The following PFKP variants were observed in gnomAD, a reference collection of about 807,000 sequenced individuals.
The protein encoded by PFKP is ATP-dependent 6-phosphofructokinase, platelet type.
Under a neutral mutation model 94.3 loss-of-function variants are expected in PFKP, and 101 were observed. The ratio of observed to expected loss-of-function variants is 1.07; its 90% CI spans 0.91 to 1.26. The LOEUF (loss-of-function observed/expected upper bound fraction) is 1.26. PFKP is among the 50% of genes most tolerant of loss of function. The pLI, the probability that PFKP is intolerant of heterozygous loss-of-function variation, is 0.00. For missense variants in PFKP, 1,145 were observed against 1,103.3 expected (o/e 1.04, Z -0.53); for synonymous variants, 573 against 432.6 (o/e 1.32, Z -4.03).
Position 3,136,441 on chromosome 10 carries a change from C to A in PFKP, c.2226-9C>A, listed in dbSNP as rs761932616. On this transcript the variant is annotated splice_polypyrimidine_tract_variant and intron_variant, in intron 21 of 21. Coordinates refer to ENST00000381125, the MANE Select transcript of PFKP (RefSeq NM_002627.5). Reference sequence around the variant, plus strand: ...CAGGCCTCACTGCTGTCTCCTCTTACCTCCACAGGCACAGGATTCCCAAAG... The same window carrying A: ...CAGGCCTCACTGCTGTCTCCTCTTAACTCCACAGGCACAGGATTCCCAAAG... 4 of 1,613,320 alleles carry A rather than the reference C, an allele frequency of 2.5e-6. No individual in the cohort carries two copies. Among genetic ancestry groups the A allele is most frequent in the Middle Eastern group, 1.7e-4 (1 of 6,042 alleles).
At chr10:3,135,411 TCA>T (rs34822234) in intron 20 of PFKP, among the ~76,000 whole-genome samples, 63,298 of 152,020 alleles carry the variant, frequency 0.42, 13,270 homozygotes, top group African/African-American at 0.45. Flanking sequence ...TTTTTGCCTC[TCA>T]GTGTGTGTAT....
chr10:3,108,059 G>GA, intron 8 of PFKP: 1 of 1,244,350 alleles, frequency 8.0e-7, no homozygotes, highest in Non-Finnish European at 1.1e-6. Flanking sequence ...GGACACCTGG[G>GA]AAAGACATCT....
chr10:3,089,815 C>T (rs1588431748), intron 2 of PFKP, among the ~76,000 whole-genome samples: 1 of 151,310 alleles, frequency 6.6e-6, no homozygotes, highest in Non-Finnish European at 1.5e-5. Flanking sequence ...GGATTTTATT[C>T]CTTCTATCTC....
chr10:3,125,232 C>G (rs1402334963), intron 16 of PFKP: 1 of 1,328,962 alleles, frequency 7.5e-7, no homozygotes, highest in Admixed American at 2.3e-5. Context: ...CGACACTGGC[C>G]TGAATGCTGT....
chr10:3,134,455 T>A, intron 19 of PFKP, 28 bp from the exon 20 acceptor site: 1 of 1,241,734 alleles, frequency 8.1e-7, no homozygotes, highest in Non-Finnish European at 1.2e-6. Context: ...GTATAACTGG[T>A]ATTTCATATA....
intron 4 of PFKP, among the ~76,000 whole-genome samples, chr10:3,102,487 C>T (rs1358981363): frequency 2.6e-5 from 4 of 151,974 alleles, no homozygotes; most frequent in Non-Finnish European, 4.4e-5. Context: ...GATCTCGGCT[C>T]ACTGCAACAT....
Position 3,124,291 on chromosome 10 carries a change from C to A in PFKP, c.1683+4247C>A, listed in dbSNP as rs1043603744. Among the ~76,000 whole-genome samples, 3 of 152,224 alleles carry A rather than the reference C, an allele frequency of 2.0e-5. No homozygotes were observed. In the South Asian group the frequency reaches 6.2e-4, roughly 31 times the overall value. On this transcript the variant is annotated intron_variant, in intron 16 of 21. Coordinates refer to ENST00000381125, the MANE Select transcript of PFKP (RefSeq NM_002627.5). ...TTTGCCACCACGTGGATGTCAAAAA[C>A]ACCTTGCTGTGTGGGGCCACTTGGA...
At chr10:3,106,054 C>T (rs1231515940) in intron 7 of PFKP, among the ~76,000 whole-genome samples, 3 of 152,212 alleles carry the variant, frequency 2.0e-5, no homozygotes, top group Non-Finnish European at 4.4e-5. Context: ...GCCCTGTGTC[C>T]GCTCACGCCG....
chr10:3,123,657 T>C (rs9423689), intron 16 of PFKP, among the ~76,000 whole-genome samples: 101,957 of 151,794 alleles, frequency 0.67, 34,560 homozygotes, highest in South Asian at 0.75. Flanking sequence ...AGCTCGGGTA[T>C]TCCACAGTAA....
intron 4 of PFKP, among the ~76,000 whole-genome samples, chr10:3,102,250 CAAAA>C (rs757381364): frequency 4.7e-4 from 26 of 54,772 alleles, no homozygotes; most frequent in South Asian, 1.0e-3. Flanking sequence ...GACTCTGTCT[CAAAA>C]AAAAAAAAAA....
Position 3,100,849 on chromosome 10 carries a change from C to T in PFKP, c.265-516C>T, listed in dbSNP as rs1392428687. On this transcript the variant is annotated intron_variant, in intron 3 of 21. Coordinates refer to ENST00000381125, the MANE Select transcript of PFKP (RefSeq NM_002627.5). ...AGATATAGCTCTTTAAAAGGGGCAG[C>T]GAGTATGTGGTGCAAAAAAAAAAAA... 55 of 525,542 alleles carry T rather than the reference C, an allele frequency of 1.0e-4. No homozygotes were observed. In the East Asian group the frequency reaches 1.1e-3, roughly 11 times the overall value. The allele number at this position is 525,542 out of a possible 1,614,324, so 32.6% of individuals were successfully genotyped here.
chr10:3,082,591 C>G (rs886931354), intron 2 of PFKP, 130 bp downstream of exon 2: 10 of 532,706 alleles, frequency 1.9e-5, no homozygotes, highest in Non-Finnish European at 3.2e-5. Flanking sequence ...GGAGCAAGAT[C>G]CTGCCAGCCA....
At chr10:3,131,787 C>A (rs548111576) in intron 17 of PFKP, among the ~76,000 whole-genome samples, 1 of 152,228 alleles carries the variant, frequency 6.6e-6, no homozygotes, top group East Asian at 1.9e-4. Flanking sequence ...TGCCATTGCG[C>A]CCAGTGACAG....
intron 1 of PFKP, 88 bp downstream of exon 1, chr10:3,067,795 A>C: frequency 7.9e-5 from 31 of 391,094 alleles, no homozygotes; most frequent in East Asian, 2.3e-4. Flanking sequence ...ACCGGAGAGA[A>C]GAGGGGGGAA....
intron 16 of PFKP, among the ~76,000 whole-genome samples, chr10:3,123,834 C>A (rs1837657395): frequency 6.6e-6 from 1 of 152,042 alleles, no homozygotes; most frequent in African/African-American, 2.4e-5. Flanking sequence ...ATGGCCAGAG[C>A]CTGCCAGGCA....
intron 14 of PFKP, among the ~76,000 whole-genome samples, chr10:3,117,575 C>A (rs1404476259): frequency 6.6e-6 from 1 of 152,190 alleles, no homozygotes; most frequent in Non-Finnish European, 1.5e-5. Context: ...ACAGCCAGGA[C>A]CCTGGTACTC....
chr10:3,113,926 C>T (rs1836526333), intron 13 of PFKP, among the ~76,000 whole-genome samples: 2 of 152,092 alleles, frequency 1.3e-5, no homozygotes, highest in Non-Finnish European at 2.9e-5. Context: ...AGGTAACACC[C>T]CTTGATGTGT....
rs115472315 is a variant in PFKP, at chr10:3,096,197, G to A, written c.187-3078G>A. On this transcript the variant is annotated intron_variant, in intron 2 of 21. Coordinates refer to ENST00000381125, the MANE Select transcript of PFKP (RefSeq NM_002627.5). ...ATTAACTAGTAAAATGCTGGGTGGC[G>A]GTTGACTTGGAAGCAGCGTCCGGGA... Among the ~76,000 whole-genome samples, 1,030 of 152,222 alleles carry A rather than the reference G, an allele frequency of 6.8e-3. 10 individuals are homozygous for A. The highest frequency in any genetic ancestry group is 0.022 in the African/African-American group (934 of 41,524).
intron 5 of PFKP, chr10:3,104,727 T>A (rs761312099): frequency 3.7e-5 from 11 of 298,810 alleles, no homozygotes; most frequent in Non-Finnish European, 7.0e-5. Context: ...CTCACTTGTT[T>A]CCGTGGGAGA....
Sources: allele counts gnomAD v4.1 joint callset (sites outside exome capture counted in the v4.1 genomes callset), GRCh38; gene constraint gnomAD v4.1.1; transcripts MANE v1.5; gene names NCBI Gene and HGNC (gene_info 2026-07-23, HGNC 2026-07-21).